The following CTNND2 variants were observed in gnomAD, a reference collection of about 807,000 sequenced individuals.
CTNND2 encodes catenin delta-2.
In CTNND2, 22 loss-of-function variants were observed where a neutral mutation model predicts 144.4. The ratio of observed to expected loss-of-function variants is 0.15; its 90% CI spans 0.11 to 0.22. CTNND2 has a LOEUF of 0.22. CTNND2 is among the 10% of genes least tolerant of loss of function. CTNND2 has a pLI of 1.00. For missense variants in CTNND2, 1,353 were observed against 1,618.8 expected, an observed-to-expected ratio of 0.84 and a Z score of 2.82; for synonymous variants, 751 against 695.6, an observed-to-expected ratio of 1.08 and a Z score of -1.25.
At chr5:11,408,227 T>C (rs1227211038) in intron 5 of CTNND2, among the ~76,000 whole-genome samples, 1 of 152,154 alleles carries the variant, frequency 6.6e-6, no homozygotes, top group Non-Finnish European at 1.5e-5. Flanking sequence ...CTCTTTTGAA[T>C]AGAATCTATA....
chr5:11,688,253 A>AT (rs1205410521), intron 2 of CTNND2, among the ~76,000 whole-genome samples: 1 of 152,142 alleles, frequency 6.6e-6, no homozygotes, highest in Non-Finnish European at 1.5e-5. Context: ...TGAAACCTCT[A>AT]TTATGGCACA....
chr5:11,169,957 C>G (rs939166647), intron 11 of CTNND2, among the ~76,000 whole-genome samples: 1 of 152,164 alleles, frequency 6.6e-6, no homozygotes, highest in Non-Finnish European at 1.5e-5. Flanking sequence ...GAAAAAAACA[C>G]AACACAAATT....
intron 16 of CTNND2, among the ~76,000 whole-genome samples, chr5:11,052,941 T>C (rs1745991466): frequency 1.3e-5 from 2 of 152,108 alleles, no homozygotes; most frequent in Non-Finnish European, 2.9e-5. Flanking sequence ...TCCCCATGAG[T>C]CAATTTATTT....
At chr5:11,723,989 A>G (rs58342412) in intron 2 of CTNND2, among the ~76,000 whole-genome samples, 16,283 of 151,728 alleles carry the variant, frequency 0.11, 1,103 homozygotes, top group East Asian at 0.21. Context: ...CGGGAGGCGG[A>G]CCTTGCAGCG....
At chr5:11,310,672 T>TC (rs1418481398) in intron 9 of CTNND2, among the ~76,000 whole-genome samples, 3 of 151,650 alleles carry the variant, frequency 2.0e-5, no homozygotes, top group African/African-American at 7.3e-5. Context: ...TCTCTGCCTT[T>TC]CCCCAGCGGC....
chr5:11,450,785 C>T (rs765421150), intron 3 of CTNND2, among the ~76,000 whole-genome samples: 2 of 151,192 alleles, frequency 1.3e-5, no homozygotes, highest in South Asian at 4.2e-4. Context: ...GTAATCTCAG[C>T]TACTCAGGAG....
intron 1 of CTNND2, among the ~76,000 whole-genome samples, chr5:11,759,148 G>A (rs533904843): frequency 1.4e-4 from 22 of 152,058 alleles, no homozygotes; most frequent in African/African-American, 5.3e-4. Flanking sequence ...TTTTTGGAGG[G>A]AGAGGTCCAA....
At chr5:11,502,194 AT>A (rs5865950) in intron 3 of CTNND2, among the ~76,000 whole-genome samples, 32,695 of 152,062 alleles carry the variant, frequency 0.22, 4,509 homozygotes, top group South Asian at 0.35. Context: ...TGAGAAATAA[AT>A]GTTTGTTGTT....
intron 1 of CTNND2, among the ~76,000 whole-genome samples, chr5:11,733,019 G>A (rs561992227): frequency 2.8e-4 from 43 of 152,202 alleles, no homozygotes; most frequent in African/African-American, 8.4e-4. Flanking sequence ...GTGGCACATC[G>A]GGAGGGCTTG....
chr5:11,566,713 A>C (rs1255667607), intron 2 of CTNND2, among the ~76,000 whole-genome samples: 2 of 152,190 alleles, frequency 1.3e-5, no homozygotes, highest in Non-Finnish European at 2.9e-5. Flanking sequence ...AGAATTCATC[A>C]ACCAGGGGCT....
chr5:11,262,290 C>T (rs147337208), intron 9 of CTNND2, among the ~76,000 whole-genome samples: 108 of 152,266 alleles, frequency 7.1e-4, no homozygotes, highest in African/African-American at 2.4e-3. Flanking sequence ...TCTGCTTAAA[C>T]CCACACCATA....
intron 1 of CTNND2, among the ~76,000 whole-genome samples, chr5:11,751,289 A>C: frequency 6.6e-6 from 1 of 151,742 alleles, no homozygotes; most frequent in East Asian, 1.9e-4. Context: ...AATATAGGTA[A>C]ATTGAGTGTC....
intron 1 of CTNND2, among the ~76,000 whole-genome samples, chr5:11,872,823 C>T (rs1308037068): frequency 2.0e-5 from 3 of 152,024 alleles, no homozygotes; most frequent in Non-Finnish European, 4.4e-5. Context: ...GAAACTGGAC[C>T]CCTTCCTTAT....
chr5:11,287,097 A>C (rs1747834039), intron 9 of CTNND2, among the ~76,000 whole-genome samples: 1 of 152,240 alleles, frequency 6.6e-6, no homozygotes, highest in East Asian at 1.9e-4. Flanking sequence ...CTGCAAATGT[A>C]GTATGACGCT....
At chr5:11,594,666 C>G (rs1028425252) in intron 2 of CTNND2, among the ~76,000 whole-genome samples, 12 of 152,134 alleles carry the variant, frequency 7.9e-5, no homozygotes, top group Non-Finnish European at 1.8e-4. Flanking sequence ...ATAATCCAAT[C>G]TTTTGGACAA....
Position 11,364,733 on chromosome 5 carries a change from C to T in CTNND2, c.1335G>A (p.Leu445=), listed in dbSNP as rs755883316. Residue 445 remains leucine, a synonymous_variant, in exon 8 of 22, where the codon CTG becomes CTA. Transcript: ENST00000304623. The part of the protein sequence containing the change: ...RSLSQSQGDP[L]PPAHTGTYRT... ...GGTAGGTGCCGGTGTGTGCTGGCGG[C>T]AGAGGGTCCCCCTGGCTCTGGCTGA... is the stretch of plus-strand genomic sequence containing the variant. 1.9e-6 allele frequency: 3 copies of T among 1,613,758 alleles called. No individual in the cohort carries two copies. Among genetic ancestry groups the T allele is most frequent in the Non-Finnish European group, 2.5e-6 (3 of 1,179,914 alleles).
chr5:11,256,119 A>G (rs998110993), intron 9 of CTNND2, among the ~76,000 whole-genome samples: 2 of 152,118 alleles, frequency 1.3e-5, no homozygotes, highest in Admixed American at 1.3e-4. Context: ...TTCCCTACTC[A>G]TGCCAAACTG....
chr5:11,815,558 G>T lies in CTNND2; in HGVS notation c.38-83286C>A, dbSNP rs76254203. Among the ~76,000 whole-genome samples the T allele has an allele frequency of 0.014, 2,168 of 151,718 alleles. 127 individuals are homozygous for T. The East Asian group carries it at 0.19, about 13-fold the overall frequency. On this transcript the variant is annotated intron_variant, in intron 1 of 21. Coordinates refer to ENST00000304623, the MANE Select transcript of CTNND2 (RefSeq NM_001332.4). The stretch of plus-strand genomic sequence containing the variant: ...CATTAATGGATTATAATCCCAAGGG[G>T]TTTTTTTTCTATATAATTCTATTAA...
chr5:11,803,399 C>A (rs1791804746), intron 1 of CTNND2, among the ~76,000 whole-genome samples: 1 of 152,076 alleles, frequency 6.6e-6, no homozygotes, highest in Non-Finnish European at 1.5e-5. Flanking sequence ...TTTGAAAAAT[C>A]ATCTTTGCTC....
Sources: allele counts gnomAD v4.1 joint callset (sites outside exome capture counted in the v4.1 genomes callset), GRCh38; gene constraint gnomAD v4.1.1; transcripts MANE v1.5; gene names NCBI Gene and HGNC (gene_info 2026-07-23, HGNC 2026-07-21).